Variants in AGFG1 observed in about 807,000 individuals in gnomAD.
AGFG1 encodes ArfGAP with FG repeats 1, also known as arf-GAP domain and FG repeat-containing protein 1.
Under a neutral mutation model 60.6 loss-of-function variants are expected in AGFG1, and 10 were observed. The ratio of observed to expected loss-of-function variants is 0.16; its 90% CI spans 0.10 to 0.28. The LOEUF is 0.28. Ranked by LOEUF, AGFG1 falls within the 10% of genes least tolerant of loss-of-function variation. The pLI, the probability that AGFG1 is intolerant of heterozygous loss-of-function variation, is 1.00. For synonymous variants in AGFG1, 247 were observed against 242.9 expected (o/e 1.02, Z -0.16); for missense variants, 537 against 676.5 (o/e 0.79, Z 2.29).
intron 2 of AGFG1, among the ~76,000 whole-genome samples, chr2:227,515,372 G>A (rs1011869432): frequency 6.6e-6 from 1 of 152,098 alleles, no homozygotes; most frequent in African/African-American, 2.4e-5. Context: ...ATTGATAACT[G>A]TATCACCTCC....
intron 5 of AGFG1, 119 bp downstream of exon 5, chr2:227,525,034 T>A (rs891066131): frequency 1.6e-5 from 18 of 1,156,300 alleles, no homozygotes; most frequent in Non-Finnish European, 2.0e-5. Flanking sequence ...TTTTGTCACT[T>A]GTAACTGTTG....
At chr2:227,551,889 C>A in intron 10 of AGFG1, 70 bp from the exon 11 acceptor site, 1 of 1,530,304 alleles carries the variant, frequency 6.5e-7, no homozygotes, top group Non-Finnish European at 8.9e-7. Context: ...TGTCTTTTTA[C>A]ATTTACAATG....
rs370784434 is a variant in AGFG1, at chr2:227,520,111, T to C, written c.377+48T>C. 30 of 1,136,756 alleles carry C rather than the reference T, an allele frequency of 2.6e-5. No homozygotes were observed. In the African/African-American group the frequency reaches 4.4e-4, roughly 17 times the overall value. The allele number at this position is 1,136,756 out of a possible 1,614,324, so 70.4% of individuals were successfully genotyped here. ...GAATAAAGCCTCCCCAAATCACATATTAACTATGGGTAAGGTTAGTCTGAC... is the reference window on the plus strand; with the variant it reads ...GAATAAAGCCTCCCCAAATCACATACTAACTATGGGTAAGGTTAGTCTGAC... On this transcript the variant is annotated intron_variant, in intron 3 of 12. Transcript: ENST00000310078.
At chr2:227,521,264 G>A (rs984189447) in intron 3 of AGFG1, among the ~76,000 whole-genome samples, 1 of 151,772 alleles carries the variant, frequency 6.6e-6, no homozygotes, top group Non-Finnish European at 1.5e-5. Flanking sequence ...ACAGGGTTTC[G>A]CCATGTTGGC....
chr2:227,521,638 C>G (rs971627278), intron 3 of AGFG1, among the ~76,000 whole-genome samples: 1 of 152,160 alleles, frequency 6.6e-6, no homozygotes, highest in Non-Finnish European at 1.5e-5. Context: ...TAGCCCTAAC[C>G]TAGTTTTGTT....
At chr2:227,519,098 C>T (rs1004819904) in intron 2 of AGFG1, among the ~76,000 whole-genome samples, 1 of 152,162 alleles carries the variant, frequency 6.6e-6, no homozygotes, top group African/African-American at 2.4e-5. Context: ...TGGCTTGAGC[C>T]TGGGAGGCAA....
chr2:227,516,451 A>G (rs1344931185), intron 2 of AGFG1, among the ~76,000 whole-genome samples: 1 of 152,208 alleles, frequency 6.6e-6, no homozygotes, highest in Non-Finnish European at 1.5e-5. Flanking sequence ...GGGCAATATA[A>G]TAGGAAATTA....
chr2:227,501,471 CT>C (rs1482381353), intron 2 of AGFG1, among the ~76,000 whole-genome samples: 7 of 152,196 alleles, frequency 4.6e-5, no homozygotes, highest in Non-Finnish European at 1.0e-4. Flanking sequence ...CTTAAGTGTA[CT>C]TTTGGATGAG....
chr2:227,510,087 TAA>T (rs1691450474), intron 2 of AGFG1, among the ~76,000 whole-genome samples: 1 of 152,188 alleles, frequency 6.6e-6, no homozygotes, highest in Non-Finnish European at 1.5e-5. Flanking sequence ...TCACTAATAA[TAA>T]GTCTTAAATT....
At chr2:227,541,641 C>G (rs916143635) in intron 10 of AGFG1, among the ~76,000 whole-genome samples, 2 of 152,176 alleles carry the variant, frequency 1.3e-5, no homozygotes, top group African/African-American at 4.8e-5. Context: ...ATGTCTCCAA[C>G]TTTGTTCTTT....
intron 5 of AGFG1, among the ~76,000 whole-genome samples, chr2:227,527,368 CACATAT>C (rs1692026549): frequency 6.6e-6 from 1 of 152,266 alleles, no homozygotes; most frequent in African/African-American, 2.4e-5. Flanking sequence ...CATACGTATA[CACATAT>C]ACACTTATGT....
At chr2:227,543,980 A>G (rs1575113437) in intron 10 of AGFG1, among the ~76,000 whole-genome samples, 1 of 151,990 alleles carries the variant, frequency 6.6e-6, no homozygotes, top group Non-Finnish European at 1.5e-5. Context: ...CTGTTTTATC[A>G]GAGACTAGGA....
intron 10 of AGFG1, among the ~76,000 whole-genome samples, chr2:227,551,105 A>T (rs573939008): frequency 1.3e-5 from 2 of 152,340 alleles, no homozygotes; most frequent in African/African-American, 4.8e-5. Flanking sequence ...ATGTGGTAAT[A>T]CTCTGTCCAC....
intron 1 of AGFG1, among the ~76,000 whole-genome samples, chr2:227,482,636 C>G (rs1401787113): frequency 6.6e-6 from 1 of 152,214 alleles, no homozygotes; most frequent in Non-Finnish European, 1.5e-5. Flanking sequence ...TTACCAGCTT[C>G]TCCCACAGCA....
chr2:227,489,912 T>A (rs181806006), intron 1 of AGFG1, among the ~76,000 whole-genome samples: 46 of 151,670 alleles, frequency 3.0e-4, no homozygotes, highest in African/African-American at 7.7e-4. Context: ...GCCTCCTGGG[T>A]TCAAGCAATT....
chr2:227,548,148 G>T (rs986889879), intron 10 of AGFG1, among the ~76,000 whole-genome samples: 17 of 151,872 alleles, frequency 1.1e-4, no homozygotes, highest in African/African-American at 3.9e-4. Context: ...AGAAAAAGTA[G>T]ATCAATGATT....
intron 3 of AGFG1, among the ~76,000 whole-genome samples, chr2:227,522,294 T>A (rs1333990547): frequency 6.6e-6 from 1 of 152,150 alleles, no homozygotes; most frequent in Non-Finnish European, 1.5e-5. Flanking sequence ...GCCAGGTGAG[T>A]CTTTTGAACC....
intron 2 of AGFG1, among the ~76,000 whole-genome samples, chr2:227,496,617 G>T (rs1690982999): frequency 6.6e-6 from 1 of 152,160 alleles, no homozygotes; most frequent in South Asian, 2.1e-4. Flanking sequence ...TGCAGGTTGT[G>T]AACCTTGGGC....
At chr2:227,519,709 C>T (rs1268151381) in intron 2 of AGFG1, among the ~76,000 whole-genome samples, 1 of 152,158 alleles carries the variant, frequency 6.6e-6, no homozygotes, top group East Asian at 1.9e-4. Context: ...ACCCCAGGTC[C>T]TCTGAAATCC....
Sources: allele counts gnomAD v4.1 joint callset (sites outside exome capture counted in the v4.1 genomes callset), GRCh38; gene constraint gnomAD v4.1.1; transcripts MANE v1.5; gene names NCBI Gene and HGNC (gene_info 2026-07-23, HGNC 2026-07-21).